Variants in MAGI2 observed in about 807,000 individuals in gnomAD.
MAGI2 encodes membrane-associated guanylate kinase, WW and PDZ domain-containing protein 2.
A neutral mutation model predicts 133.3 loss-of-function variants in MAGI2; 35 were observed. The ratio of observed to expected loss-of-function variants is 0.26; its 90% CI spans 0.20 to 0.35. MAGI2 has a LOEUF of 0.35. MAGI2 is among the 10% of genes least tolerant of loss of function. MAGI2 has a pLI of 1.00. For synonymous variants in MAGI2, 729 were observed against 710.6 expected, an observed-to-expected ratio of 1.03 and a Z score of -0.41; for missense variants, 1,636 against 1,863.4, an observed-to-expected ratio of 0.88 and a Z score of 2.25.
chr7:79,249,257 G>T (rs1833049873), intron 1 of MAGI2, among the ~76,000 whole-genome samples: 1 of 152,126 alleles, frequency 6.6e-6, no homozygotes, highest in African/African-American at 2.4e-5. Context: ...TAAAGAATTA[G>T]AAAAATATTA....
At chr7:78,824,428 A>G (rs1790446383) in intron 2 of MAGI2, among the ~76,000 whole-genome samples, 1 of 152,152 alleles carries the variant, frequency 6.6e-6, no homozygotes, top group African/African-American at 2.4e-5. Flanking sequence ...CCATAGCCTC[A>G]CCAACATCTG....
chr7:78,806,867 C>CAAAATAAAATAAAATAAAAT (rs150570172), intron 2 of MAGI2, among the ~76,000 whole-genome samples: 27 of 128,800 alleles, frequency 2.1e-4, no homozygotes, highest in South Asian at 1.1e-3. Context: ...CACCCTGTCT[C>CAAAATAAAATAAAATAAAAT]AAAATAAAAT....
chr7:78,734,014 G>A (rs575767934), intron 2 of MAGI2, among the ~76,000 whole-genome samples: 46 of 152,196 alleles, frequency 3.0e-4, no homozygotes, highest in African/African-American at 8.4e-4. Context: ...ATGCATAATC[G>A]TAAACATAAC....
At chr7:78,722,404 C>T (rs1229387999) in intron 2 of MAGI2, among the ~76,000 whole-genome samples, 1 of 151,902 alleles carries the variant, frequency 6.6e-6, no homozygotes, top group Non-Finnish European at 1.5e-5. Flanking sequence ...GTTTCATAGG[C>T]CTAACACATA....
rs982893121 is a variant in MAGI2 at position 78,951,417 on chromosome 7, A to G, written c.418+55673T>C. ...GGGAGGTCTCAGGAGACTTACAATCATGGTGGAAGGGGAAGCAAATACATC... is the reference window on the plus strand; with the variant it reads ...GGGAGGTCTCAGGAGACTTACAATCGTGGTGGAAGGGGAAGCAAATACATC... On this transcript the variant is annotated intron_variant, in intron 2 of 21. Coordinates refer to ENST00000354212, the MANE Select transcript of MAGI2 (RefSeq NM_012301.4). 7.9e-5 allele frequency among the ~76,000 whole-genome samples: 12 copies of G among 152,160 alleles called. 1 individual carries two copies. The highest frequency in any genetic ancestry group is 1.5e-5 in the Non-Finnish European group (1 of 68,032).
In MAGI2 at chr7:79,432,808, T is replaced by G. The variant is rs371069493; in HGVS notation, c.301+20212A>C. ...ATGGTGATGATAAAGGTGGAGTGTC[T>G]TTGAAGAACATACAAATATCATTCA... On this transcript the variant is annotated intron_variant, in intron 1 of 21. Coordinates refer to ENST00000354212, the MANE Select transcript of MAGI2 (RefSeq NM_012301.4). 3.3e-5 allele frequency among the ~76,000 whole-genome samples: 5 copies of G among 152,316 alleles called. No homozygotes were observed. In the East Asian group the frequency reaches 7.7e-4, roughly 24 times the overall value.
At chr7:78,034,188 C>T (rs988492857) in intron 21 of MAGI2, among the ~76,000 whole-genome samples, 3 of 152,096 alleles carry the variant, frequency 2.0e-5, no homozygotes, top group Non-Finnish European at 4.4e-5. Flanking sequence ...TTTGTTATGA[C>T]AAAGTGACAT....
Position 78,367,504 on chromosome 7 carries a change from C to T in MAGI2, c.1103+1652G>A, listed in dbSNP as rs561483180. 2.0e-5 allele frequency among the ~76,000 whole-genome samples: 3 copies of T among 152,260 alleles called. No individual in the cohort carries two copies. In the East Asian group the frequency reaches 5.8e-4, roughly 29 times the overall value. On this transcript the variant is annotated intron_variant, in intron 7 of 21. Transcript: ENST00000354212. ...TTTTATTGGAACGTAGCTGATGTTG[C>T]TGATGGTTGCTTTCAAGCTACAACA... is the stretch of plus-strand genomic sequence containing the variant.
At chr7:78,560,264 G>A (rs950729967) in intron 3 of MAGI2, among the ~76,000 whole-genome samples, 4 of 152,190 alleles carry the variant, frequency 2.6e-5, no homozygotes, top group African/African-American at 7.2e-5. Flanking sequence ...AACATGGTGA[G>A]TTTGAAGTGA....
intron 3 of MAGI2, among the ~76,000 whole-genome samples, chr7:78,566,524 GAC>G (rs1431218695): frequency 8.7e-6 from 1 of 114,974 alleles, no homozygotes; most frequent in African/African-American, 3.3e-5. Flanking sequence ...GCTATCAACA[GAC>G]ACAGTTTAAA....
intron 21 of MAGI2, among the ~76,000 whole-genome samples, chr7:78,021,360 G>T (rs1284557965): frequency 6.6e-6 from 1 of 152,196 alleles, no homozygotes; most frequent in East Asian, 1.9e-4. Flanking sequence ...GGTGCCAGGT[G>T]AGCCTCCCTC....
At chr7:78,772,215 T>C (rs897959904) in intron 2 of MAGI2, among the ~76,000 whole-genome samples, 1 of 152,182 alleles carries the variant, frequency 6.6e-6, no homozygotes, top group African/African-American at 2.4e-5. Context: ...AAAAGATACG[T>C]AATCTGCTGT....
intron 15 of MAGI2, 122 bp from the exon 16 acceptor site, chr7:78,160,395 T>C: frequency 3.8e-6 from 4 of 1,058,904 alleles, no homozygotes; most frequent in Non-Finnish European, 5.1e-6. Flanking sequence ...ACTGCTTCTC[T>C]TTCTCCCAGA....
At chr7:78,672,822 T>G (rs932919909) in intron 2 of MAGI2, among the ~76,000 whole-genome samples, 11 of 152,168 alleles carry the variant, frequency 7.2e-5, no homozygotes, top group Non-Finnish European at 1.3e-4. Flanking sequence ...TGCATGCCAA[T>G]GTTTGCACAC....
intron 1 of MAGI2, 102 bp downstream of exon 1, chr7:79,452,918 G>T: frequency 7.7e-7 from 1 of 1,291,594 alleles, no homozygotes; most frequent in Non-Finnish European, 1.0e-6. Flanking sequence ...CCCCATCATC[G>T]CGCAACACAC....
intron 1 of MAGI2, among the ~76,000 whole-genome samples, chr7:79,029,318 A>T (rs1452375688): frequency 6.6e-6 from 1 of 152,156 alleles, no homozygotes; most frequent in Non-Finnish European, 1.5e-5. Flanking sequence ...TATCAATTTC[A>T]TTAATAATTA....
intron 1 of MAGI2, among the ~76,000 whole-genome samples, chr7:79,315,344 TTTG>T (rs59725850): frequency 0.46 from 59,825 of 131,472 alleles, 12,928 homozygotes; most frequent in Admixed American, 0.57. Context: ...TTTTTTTTTT[TTTG>T]TATTTTTAGT....
chr7:78,585,178 A>G (rs942847360), intron 3 of MAGI2, among the ~76,000 whole-genome samples: 3 of 152,148 alleles, frequency 2.0e-5, no homozygotes, highest in Admixed American at 2.0e-4. Flanking sequence ...TGCCATTCAA[A>G]TCTATTGTGT....
chr7:79,325,865 A>T (rs1467314149), intron 1 of MAGI2, among the ~76,000 whole-genome samples: 1 of 152,138 alleles, frequency 6.6e-6, no homozygotes, highest in Non-Finnish European at 1.5e-5. Flanking sequence ...AAAACTGCTG[A>T]TACTACACCT....
Sources: allele counts gnomAD v4.1 joint callset (sites outside exome capture counted in the v4.1 genomes callset), GRCh38; gene constraint gnomAD v4.1.1; transcripts MANE v1.5; gene names NCBI Gene and HGNC (gene_info 2026-07-23, HGNC 2026-07-21).